ACACA: variants seen among roughly 807,000 people sequenced by gnomAD.
ACACA encodes the protein acetyl-CoA carboxylase 1.
A neutral mutation model predicts 296.1 loss-of-function variants in ACACA; 103 were observed. That is an observed-to-expected ratio of 0.35 (90% CI 0.30 to 0.41). ACACA has a LOEUF of 0.41. Ranked by LOEUF, ACACA falls within the 10% of genes least tolerant of loss-of-function variation. ACACA has a pLI of 1.00. For missense variants in ACACA, 1,554 were observed against 2,989.7 expected (o/e 0.52, Z 11.20); for synonymous variants, 953 against 1,038.6 (o/e 0.92, Z 1.58).
chr17:37,220,768 T>C (rs1314354750), intron 29 of ACACA, among the ~76,000 whole-genome samples: 1 of 152,164 alleles, frequency 6.6e-6, no homozygotes, highest in East Asian at 1.9e-4. Context: ...GCCAAAAGTC[T>C]CAGCACAGAC....
intron 5 of ACACA, among the ~76,000 whole-genome samples, chr17:37,279,642 T>C (rs1285517767): frequency 7.8e-6 from 1 of 128,946 alleles, no homozygotes; most frequent in East Asian, 2.3e-4. Context: ...CAAGACTCCG[T>C]CTAAAAAAAA....
At chr17:37,220,986 A>G (rs1047333889) in intron 29 of ACACA, among the ~76,000 whole-genome samples, 1 of 152,252 alleles carries the variant, frequency 6.6e-6, no homozygotes, top group Non-Finnish European at 1.5e-5. Flanking sequence ...ACTAAAAAGA[A>G]TGAAAGTACA....
intron 33 of ACACA, among the ~76,000 whole-genome samples, chr17:37,204,113 A>G (rs2078393890): frequency 6.6e-6 from 1 of 152,212 alleles, no homozygotes; most frequent in African/African-American, 2.4e-5. Context: ...GAAAACATCT[A>G]CTGAGTTCTT....
At chr17:37,260,273 TATATATATATATATATATATA>T (rs2081409311) in intron 11 of ACACA, among the ~76,000 whole-genome samples, 11 of 28,118 alleles carry the variant, frequency 3.9e-4, no homozygotes, top group African/African-American at 6.7e-4. Context: ...TATATATATA[TATATATATATATATATATATA>T]TATTTTTTTT....
intron 1 of ACACA, among the ~76,000 whole-genome samples, chr17:37,368,323 A>G (rs1423236234): frequency 1.3e-5 from 2 of 151,772 alleles, no homozygotes; most frequent in East Asian, 3.9e-4. Flanking sequence ...GTTCACACCT[A>G]TAATCCCAGA....
At chr17:37,402,497 A>T (rs1181142722) in intron 1 of ACACA, among the ~76,000 whole-genome samples, 1 of 152,108 alleles carries the variant, frequency 6.6e-6, no homozygotes, top group Admixed American at 6.6e-5. Context: ...ACAAATGGAG[A>T]CTTTACTGAG....
chr17:37,117,294 C>G (rs903824649), intron 50 of ACACA, among the ~76,000 whole-genome samples: 2 of 152,152 alleles, frequency 1.3e-5, no homozygotes, highest in African/African-American at 4.8e-5. Context: ...TCATTATGAT[C>G]GGCTGACACT....
At chr17:37,386,804 C>A (rs1411357472) in intron 1 of ACACA, 2 of 152,044 alleles carry the variant, frequency 1.3e-5, no homozygotes, top group Non-Finnish European at 2.9e-5. Context: ...GTGATGACAC[C>A]AACCAAGTGC....
chr17:37,112,346 C>T (rs796350199), intron 51 of ACACA, among the ~76,000 whole-genome samples: 8 of 152,278 alleles, frequency 5.3e-5, no homozygotes, highest in African/African-American at 1.4e-4. Context: ...GTTCTAATAA[C>T]TTACATATAA....
Position 37,388,664 on chromosome 17 carries a change from C to T in ACACA, c.38+17598G>A, listed in dbSNP as rs763182987. On this transcript the variant is annotated intron_variant, in intron 1 of 55. Coordinates refer to ENST00000616317, the MANE Select transcript of ACACA (RefSeq NM_198834.3). The stretch of plus-strand genomic sequence containing the variant: ...TCTCCCTCTTCCACTCCCCTCTCTC[C>T]TTTAGACACAGATGAGAACCTAGAG... 63 of 1,611,368 alleles carry T rather than the reference C, an allele frequency of 3.9e-5. No homozygotes were observed. The Admixed American group carries it at 1.0e-3, about 26-fold the overall frequency.
intron 52 of ACACA, among the ~76,000 whole-genome samples, chr17:37,099,529 G>C (rs540932048): frequency 0.016 from 1,407 of 89,300 alleles, 12 homozygotes; most frequent in Non-Finnish European, 0.02. Flanking sequence ...GGGCTGATGG[G>C]AGGAGGGCTG....
chr17:37,367,997 G>A (rs540455484), intron 1 of ACACA, among the ~76,000 whole-genome samples: 214 of 152,094 alleles, frequency 1.4e-3, no homozygotes, highest in African/African-American at 4.9e-3. Context: ...AACCCGGGAG[G>A]CGGAGGTTGC....
chr17:37,240,451 A>G, intron 24 of ACACA, 25 bp downstream of exon 24: 4 of 1,606,576 alleles, frequency 2.5e-6, no homozygotes, highest in Non-Finnish European at 3.4e-6. Flanking sequence ...TTTCTTAGCT[A>G]GAGAGTCCTC....
At chr17:37,257,035 T>C (rs1481110791) in intron 14 of ACACA, among the ~76,000 whole-genome samples, 1 of 152,170 alleles carries the variant, frequency 6.6e-6, no homozygotes, top group Non-Finnish European at 1.5e-5. Flanking sequence ...TTCAGCCCTA[T>C]GTTTTAGGCA....
chr17:37,156,428 A>G (rs1426876879), intron 42 of ACACA, among the ~76,000 whole-genome samples: 1 of 152,290 alleles, frequency 6.6e-6, no homozygotes, highest in East Asian at 1.9e-4. Flanking sequence ...TATTAAAGAT[A>G]TCAACATGTA....
At chr17:37,354,069 C>T (rs1043608443) in intron 1 of ACACA, among the ~76,000 whole-genome samples, 10 of 152,296 alleles carry the variant, frequency 6.6e-5, no homozygotes, top group East Asian at 3.9e-4. Flanking sequence ...GTTTGCACCA[C>T]TGCACTCCAG....
At chr17:37,106,212 C>T (rs1268174611) in intron 52 of ACACA, among the ~76,000 whole-genome samples, 3 of 151,916 alleles carry the variant, frequency 2.0e-5, no homozygotes, top group Non-Finnish European at 2.9e-5. Flanking sequence ...TTTCTTTACA[C>T]AAAAGCATTC....
chr17:37,123,884 T>C (rs2074645041), intron 48 of ACACA, among the ~76,000 whole-genome samples: 1 of 152,222 alleles, frequency 6.6e-6, no homozygotes, highest in Non-Finnish European at 1.5e-5. Flanking sequence ...AAAGAACATC[T>C]TTATCCAAGT....
chr17:37,270,938 T>G lies in ACACA; in HGVS notation c.1009-77A>C, dbSNP rs1015405857. 23 of 999,858 alleles carry G rather than the reference T, an allele frequency of 2.3e-5. No homozygotes were observed. In the Admixed American group the frequency reaches 3.8e-4, roughly 17 times the overall value. 61.9% of individuals were successfully genotyped at this position (999,858 alleles called of 1,614,324 possible). A position where few individuals can be genotyped will look rare whatever the true frequency, so the allele number is the denominator to read the frequency against. On this transcript the variant is annotated intron_variant, in intron 9 of 55. Transcript: ENST00000616317. ...AGGAGAAAACTGGCATTTTTCTCCC[T>G]TTAAGAATGCAGTCATTTAGTAATT...
Sources: allele counts gnomAD v4.1 joint callset (sites outside exome capture counted in the v4.1 genomes callset), GRCh38; gene constraint gnomAD v4.1.1; transcripts MANE v1.5; gene names NCBI Gene and HGNC (gene_info 2026-07-23, HGNC 2026-07-21).